ADGRB1: variants seen among roughly 807,000 people sequenced by gnomAD.
The protein encoded by ADGRB1 is brain-specific angiogenesis inhibitor 1.
Under a neutral mutation model 175.7 loss-of-function variants are expected in ADGRB1, and 36 were observed. That is an observed-to-expected ratio of 0.20 (90% confidence interval 0.16 to 0.27). The LOEUF (loss-of-function observed/expected upper bound fraction) is 0.27, where lower values mean the gene tolerates loss of function less well. ADGRB1 is among the 10% of genes least tolerant of loss of function. The pLI, the probability that ADGRB1 is intolerant of heterozygous loss-of-function variation, is 1.00. For synonymous variants in ADGRB1, 1,054 were observed against 979.4 expected (o/e 1.08, Z -1.42); for missense variants, 1,731 against 2,255.3 (o/e 0.77, Z 4.71).
chr8:142,510,916 T>TGGC lies in ADGRB1; in HGVS notation c.2676-16_2676-15insGGC. Reference sequence around the variant, plus strand: ...ACGCTCCGCCTGTCTCCCTCCCGTGTCCCGCCCGCCCCCAGACCCTCCTCC... The same window carrying TGGC: ...ACGCTCCGCCTGTCTCCCTCCCGTGTGGCCCCGCCCGCCCCCAGACCCTCCTCC... On this transcript the variant is annotated splice_polypyrimidine_tract_variant and intron_variant, in intron 17 of 30. Coordinates refer to ENST00000517894, the MANE Select transcript of ADGRB1 (RefSeq NM_001702.3). The surrounding 1 kb of genome is among the most constrained non-coding windows in gnomAD (Gnocchi z 6.3). 13 of 969,602 alleles carry TGGC rather than the reference T, an allele frequency of 1.3e-5. No homozygotes were observed. The highest frequency in any genetic ancestry group is 6.8e-5 in the East Asian group (1 of 14,766). The allele number at this position is 969,602 out of a possible 1,614,324, so 60.1% of individuals were successfully genotyped here. A position where few individuals can be genotyped will look rare whatever the true frequency, so the allele number is the denominator to read the frequency against.
At chr8:142,523,450 G>A (rs1843983677) in intron 22 of ADGRB1, among the ~76,000 whole-genome samples, 1 of 151,952 alleles carries the variant, frequency 6.6e-6, no homozygotes, top group African/African-American at 2.4e-5. Flanking sequence ...GGGACAGGAT[G>A]TGGCACCCCC....
At chr8:142,456,560 T>C (rs1839694813) in intron 1 of ADGRB1, among the ~76,000 whole-genome samples, 2 of 152,110 alleles carry the variant, frequency 1.3e-5, no homozygotes, top group African/African-American at 4.8e-5. Flanking sequence ...AGCTTTCACC[T>C]GCACTCACCA....
In ADGRB1 at chr8:142,481,597, C is replaced by A. The variant is rs1841341787; in HGVS notation, c.2016C>A (p.Ile672=). 6.2e-7 allele frequency: 1 copy of A among 1,603,652 alleles called. No homozygotes were observed. The highest frequency in any genetic ancestry group is 8.5e-7 in the Non-Finnish European group (1 of 1,175,332). ...VSEVIQTLVE[I]SQDGTSYSGD... is the part of the protein sequence containing the mutation. Reference sequence around the variant, plus strand: ...AGGTCATCCAGACACTGGTGGAGATCTCTCAGGACGGGACCAGCTACAGTG... The same window carrying A: ...AGGTCATCCAGACACTGGTGGAGATATCTCAGGACGGGACCAGCTACAGTG... The change falls in exon 11 of 31, where the codon ATC becomes ATA. Residue 672 remains isoleucine, a synonymous_variant. Transcript: ENST00000517894.
At chr8:142,525,930 G>A (rs1462938294) in intron 23 of ADGRB1, among the ~76,000 whole-genome samples, 1 of 152,168 alleles carries the variant, frequency 6.6e-6, no homozygotes, top group Non-Finnish European at 1.5e-5. Context: ...AGGAGACAGG[G>A]GGAGACCCCA....
chr8:142,464,147 G>C lies in ADGRB1; in HGVS notation c.-52G>C. 8.1e-7 allele frequency: 1 copy of C among 1,241,546 alleles called. No individual in the cohort carries two copies. Among genetic ancestry groups the C allele is most frequent in the Non-Finnish European group, 1.0e-6 (1 of 996,028 alleles). 76.9% of individuals were successfully genotyped at this position (1,241,546 alleles called of 1,614,324 possible). A position where few individuals can be genotyped will look rare whatever the true frequency, so the allele number is the denominator to read the frequency against. On this transcript the variant is annotated 5_prime_UTR_variant, in exon 2 of 31. Transcript: ENST00000517894. ...CCGGACCCTGGCATGTCAAGACCTG[G>C]TCCGCGCCTGCCTGCCCAGCCCGCG...
Position 142,464,076 on chromosome 8 carries a change from CCCTTGCCCCGCCT to C in ADGRB1, c.-120_-108del. On this transcript the variant is annotated 5_prime_UTR_variant, in exon 2 of 31. Transcript: ENST00000517894. ...TGAAGCGGGGCCCTCTCCCATCCCA[CCCTTGCCCCGCCT>C]CCCTGCCCCCACCGGGCCGGCCCTG... 1.9e-6 allele frequency: 1 copy of C among 536,924 alleles called. No individual in the cohort carries two copies. The highest frequency in any genetic ancestry group is 2.5e-6 in the Non-Finnish European group (1 of 392,438). 33.3% of individuals were successfully genotyped at this position (536,924 alleles called of 1,614,324 possible).
At position 142,543,727 on chromosome 8, in the gene ADGRB1, G is replaced by T; in HGVS notation, c.4557+19G>T. On this transcript the variant is annotated intron_variant, in intron 30 of 30. Transcript: ENST00000517894. This position sits in a 1 kb window ranked among gnomAD's most constrained non-coding sequence, Gnocchi z 4.4. ...CAGCAAGGTCTGGAGGGCAGGGAGG[G>T]GCGGGGTGGGGAGAGCCCTTAGGTC... is the stretch of plus-strand genomic sequence containing the variant. 1 of 1,539,092 alleles carries T rather than the reference G, an allele frequency of 6.5e-7. No individual in the cohort carries two copies. Among genetic ancestry groups the T allele is most frequent in the Non-Finnish European group, 8.8e-7 (1 of 1,136,294 alleles).
At chr8:142,544,056 T>C (rs2132303065) in intron 30 of ADGRB1, among the ~76,000 whole-genome samples, 164 bp from the exon 31 acceptor site, 1 of 152,242 alleles carries the variant, frequency 6.6e-6, no homozygotes, top group Admixed American at 6.5e-5. Context: ...TGCCCAGCTC[T>C]GTTCTGGGCT....
chr8:142,496,931 G>T (rs892903100), intron 17 of ADGRB1, among the ~76,000 whole-genome samples: 5 of 152,208 alleles, frequency 3.3e-5, no homozygotes, highest in African/African-American at 9.7e-5. Flanking sequence ...TCCCAACTTT[G>T]CTGGCTCTCA....
chr8:142,537,343 G>A lies in ADGRB1; in HGVS notation c.3666+261G>A, dbSNP rs1844991738. On this transcript the variant is annotated intron_variant, in intron 26 of 30. Transcript: ENST00000517894. This position sits in a 1 kb window ranked among gnomAD's most constrained non-coding sequence, Gnocchi z 4.6. ...CATCCACCCCACACTCACCCCCGCTGGCAGCAGTGCCCGTCTGGCTGGACA... is the reference window on the plus strand; with the variant it reads ...CATCCACCCCACACTCACCCCCGCTAGCAGCAGTGCCCGTCTGGCTGGACA... 6.6e-6 allele frequency among the ~76,000 whole-genome samples: 1 copy of A among 152,048 alleles called. No homozygotes were observed. Among genetic ancestry groups the A allele is most frequent in the South Asian group, 2.1e-4 (1 of 4,826 alleles).
At chr8:142,488,987 C>T (rs1424958979) in intron 14 of ADGRB1, 48 bp from the exon 15 acceptor site, 1 of 1,590,562 alleles carries the variant, frequency 6.3e-7, no homozygotes, top group African/African-American at 1.3e-5. Flanking sequence ...AAGTCCCACC[C>T]TGGCTGTGGG....
chr8:142,465,012 AG>A, intron 2 of ADGRB1, 30 bp downstream of exon 2: 1 of 1,044,292 alleles, frequency 9.6e-7, no homozygotes, highest in Non-Finnish European at 1.2e-6. Flanking sequence ...ACCTTCGGAC[AG>A]GGGAGGTGGG....
At chr8:142,536,797 C>G (rs954535159) in intron 25 of ADGRB1, among the ~76,000 whole-genome samples, 190 bp from the exon 26 acceptor site, 1 of 152,078 alleles carries the variant, frequency 6.6e-6, no homozygotes, top group African/African-American at 2.4e-5. Flanking sequence ...CCTGGGGTCT[C>G]TTTTCCCCTT....
intron 2 of ADGRB1, among the ~76,000 whole-genome samples, chr8:142,470,843 G>C (rs1840622611): frequency 6.6e-6 from 1 of 152,148 alleles, no homozygotes; most frequent in Non-Finnish European, 1.5e-5. Context: ...CACCTGCCCA[G>C]TGACCCCACA....
In ADGRB1 at chr8:142,464,469, G is replaced by C; in HGVS notation, c.271G>C (p.Val91Leu). Residue 91 changes from valine to leucine, a missense_variant, in exon 2 of 31, where the codon GTG (valine) becomes CTG (leucine). Val to Leu is a conservative substitution (Grantham distance 32, BLOSUM62 1). Transcript: ENST00000517894. ...CTACATGAAGGTGGCCAAGGCGCCCGTGCCCTGCAGCGGCCCCGGCCGCGT... is the reference window on the plus strand; with the variant it reads ...CTACATGAAGGTGGCCAAGGCGCCCCTGCCCTGCAGCGGCCCCGGCCGCGT... The part of the protein sequence containing the change: ...TLYMKVAKAP[V>L]PCSGPGRVRT... The C allele has an allele frequency of 6.3e-7, 1 of 1,580,326 alleles. No homozygotes were observed. Among genetic ancestry groups the C allele is most frequent in the Non-Finnish European group, 8.6e-7 (1 of 1,167,912 alleles).
chr8:142,524,976 C>T (rs1350738243), intron 23 of ADGRB1, among the ~76,000 whole-genome samples: 1 of 152,126 alleles, frequency 6.6e-6, no homozygotes. Context: ...CCAGGGTTCA[C>T]ACCCACCCTC....
chr8:142,471,846 C>G (rs1032039371), intron 2 of ADGRB1, among the ~76,000 whole-genome samples: 1 of 152,212 alleles, frequency 6.6e-6, no homozygotes, highest in Non-Finnish European at 1.5e-5. Flanking sequence ...GGCCACCAGG[C>G]GCCCCATCCA....
Position 142,510,834 on chromosome 8 carries a change from G to A in ADGRB1, c.2676-98G>A, listed in dbSNP as rs1397700300. On this transcript the variant is annotated intron_variant, in intron 17 of 30. Coordinates refer to ENST00000517894, the MANE Select transcript of ADGRB1 (RefSeq NM_001702.3). The surrounding 1 kb of genome is among the most constrained non-coding windows in gnomAD (Gnocchi z 6.3). ...TGCGGGGCGGCGGGCCGGGGCCGGG[G>A]CCGGGGCGCGGAGCCGCCGCTCGGG... The A allele has an allele frequency of 8.2e-6, 5 of 606,136 alleles. 1 individual carries two copies. The highest frequency in any genetic ancestry group is 1.4e-4 in the South Asian group (2 of 14,354). 37.5% of individuals were successfully genotyped at this position (606,136 alleles called of 1,614,324 possible). A position where few individuals can be genotyped will look rare whatever the true frequency, so the allele number is the denominator to read the frequency against.
chr8:142,484,561 G>T, intron 12 of ADGRB1, 95 bp from the exon 13 acceptor site: 1 of 1,252,394 alleles, frequency 8.0e-7, no homozygotes, highest in Non-Finnish European at 1.1e-6. Flanking sequence ...TTAGGAAATG[G>T]CCAATAAGAA....
Sources: gnomAD v4.1 joint callset for allele counts (sites outside exome capture counted in the v4.1 genomes callset) on GRCh38, gnomAD v4.1.1 for gene constraint, Gnocchi (gnomAD v3.1) non-coding constraint, MANE v1.5 for transcripts, NCBI Gene and HGNC (gene_info 2026-07-23, HGNC 2026-07-21) for gene names.